The following BUB1 variants were observed in gnomAD, a reference collection of about 807,000 sequenced individuals.
The protein encoded by BUB1 is mitotic checkpoint serine/threonine-protein kinase BUB1.
A neutral mutation model predicts 135.2 loss-of-function variants in BUB1; 84 were observed. That is an observed-to-expected ratio of 0.62 (90% confidence interval 0.52 to 0.74). BUB1 has a LOEUF of 0.74. Ranked by LOEUF, BUB1 falls within the 30% of genes least tolerant of loss-of-function variation. The probability of loss-of-function intolerance (pLI) is 0.00; values close to 1 mark genes in which losing one functional copy is unlikely to be tolerated. For synonymous variants in BUB1, 403 were observed against 434.4 expected (o/e 0.93, Z 0.90); for missense variants, 1,162 against 1,288.3 (o/e 0.90, Z 1.50).
chr2:110,652,103 CTTA>C (rs1689804286), intron 17 of BUB1, among the ~76,000 whole-genome samples: 1 of 151,718 alleles, frequency 6.6e-6, no homozygotes, highest in African/African-American at 2.4e-5. Context: ...ACAGTTGATC[CTTA>C]TTATTAATGG....
At chr2:110,640,522 A>G (rs1689474493) in intron 23 of BUB1, among the ~76,000 whole-genome samples, 1 of 152,252 alleles carries the variant, frequency 6.6e-6, no homozygotes, top group South Asian at 2.1e-4. Context: ...GTCTTCCATT[A>G]GAATAATAAT....
intron 9 of BUB1, chr2:110,662,110 G>A: frequency 2.6e-6 from 1 of 391,524 alleles, no homozygotes; most frequent in South Asian, 4.6e-5. Context: ...AGTCTCTATA[G>A]TTGTATCAGC....
At chr2:110,674,047 A>G in intron 3 of BUB1, 39 bp downstream of exon 3, 1 of 1,426,548 alleles carries the variant, frequency 7.0e-7, no homozygotes, top group South Asian at 1.3e-5. Context: ...AAAGTACAAC[A>G]TGATTATAGA....
At chr2:110,643,376 A>C (rs1159020503) in intron 19 of BUB1, among the ~76,000 whole-genome samples, 1 of 152,252 alleles carries the variant, frequency 6.6e-6, no homozygotes, top group Non-Finnish European at 1.5e-5. Flanking sequence ...AAACAAAAAA[A>C]TAAGGACACA....
At position 110,674,128 on chromosome 2, in the gene BUB1, T is replaced by G; in HGVS notation, c.183A>C (p.Lys61Asn). Residue 61 changes from lysine to asparagine, a missense_variant, in exon 3 of 25, where the codon AAA becomes AAC. Coordinates refer to ENST00000302759, the MANE Select transcript of BUB1 (RefSeq NM_004336.5). ...TGATGAATCTTGGGTCATTGTGGTATTTCTTCTTATCTAAAAATTCCTTCA... is the reference window on the plus strand; with the variant it reads ...TGATGAATCTTGGGTCATTGTGGTAGTTCTTCTTATCTAAAAATTCCTTCA... Reference protein sequence around the residue: ...HLMKEFLDKKKYHNDPRFISY... With the variant: ...HLMKEFLDKKNYHNDPRFISY... The G allele has an allele frequency of 6.4e-7, 1 of 1,563,144 alleles. No individual in the cohort carries two copies. The highest frequency in any genetic ancestry group is 8.8e-7 in the Non-Finnish European group (1 of 1,134,768).
chr2:110,667,860 G>C lies in BUB1; in HGVS notation c.568-11C>G, dbSNP rs776152853. The C allele has an allele frequency of 6.2e-7, 1 of 1,609,918 alleles. No homozygotes were observed. Among genetic ancestry groups the C allele is most frequent in the Non-Finnish European group, 8.5e-7 (1 of 1,178,954 alleles). On this transcript the variant is annotated splice_polypyrimidine_tract_variant and intron_variant, in intron 6 of 24. Coordinates refer to ENST00000302759, the MANE Select transcript of BUB1 (RefSeq NM_004336.5). The stretch of plus-strand genomic sequence containing the variant: ...AGAAAGCTCTGAACCCTAAAAAACA[G>C]AAAACAAACATGAGCATTCACTTAT...
chr2:110,672,729 G>A lies in BUB1; in HGVS notation c.354C>T (p.Ala118=), dbSNP rs758499081. Residue 118 remains alanine, a synonymous_variant, in exon 4 of 25, where the codon GCC becomes GCT. Coordinates refer to ENST00000302759, the MANE Select transcript of BUB1 (RefSeq NM_004336.5). ...HLEAQGELQH[A]SAVLQRGIQN... is the part of the protein sequence containing the mutation. ...GAATTCCTCTCTGAAGGACAGCACTGGCATGCTGCAGCTCTCCTTGGGCTT... is the reference window on the plus strand; with the variant it reads ...GAATTCCTCTCTGAAGGACAGCACTAGCATGCTGCAGCTCTCCTTGGGCTT... 6.2e-7 allele frequency: 1 copy of A among 1,613,894 alleles called. No individual in the cohort carries two copies. Among genetic ancestry groups the A allele is most frequent in the African/African-American group, 1.3e-5 (1 of 74,914 alleles).
Position 110,649,388 on chromosome 2 carries a change from T to TAA in BUB1, c.2204-12_2204-11insTT. 1 of 1,363,414 alleles carries TAA rather than the reference T, an allele frequency of 7.3e-7. No homozygotes were observed. Among genetic ancestry groups the TAA allele is most frequent in the Non-Finnish European group, 9.4e-7 (1 of 1,059,632 alleles). The allele number at this position is 1,363,414 out of a possible 1,614,324, so 84.5% of individuals were successfully genotyped here. On this transcript the variant is annotated splice_polypyrimidine_tract_variant and intron_variant, in intron 18 of 24. Coordinates refer to ENST00000302759, the MANE Select transcript of BUB1 (RefSeq NM_004336.5). ...TCCCAACAATGAAGTCTTAAAGGAA[T>TAA]GAGAAAAAAAAAAAAAAAGGGAACA...
intron 17 of BUB1, among the ~76,000 whole-genome samples, 166 bp from the exon 18 acceptor site, chr2:110,650,950 T>C (rs1268997112): frequency 3.9e-5 from 6 of 152,154 alleles, no homozygotes; most frequent in African/African-American, 9.7e-5. Context: ...TATGAAAATA[T>C]ACAGCTAGTA....
intron 6 of BUB1, among the ~76,000 whole-genome samples, chr2:110,668,687 G>A (rs1038915856): frequency 1.3e-5 from 2 of 152,182 alleles, no homozygotes; most frequent in Non-Finnish European, 2.9e-5. Context: ...AGGCAGAAGA[G>A]ATCTCCACAG....
Position 110,650,572 on chromosome 2 carries a change from C to T in BUB1, c.2177G>A (p.Ser726Asn), listed in dbSNP as rs1689757511. ...AGLQAEWMQM[S>N]SLGTVDAPNF... ...TGGAGCATCAACAGTCCCAAGTGAA[C>T]TCATCTGCATCCATTCTGCTTGGAG... is the stretch of plus-strand genomic sequence containing the variant. The change falls in exon 18 of 25, where the codon AGT becomes AAT. Residue 726 changes from serine to asparagine, a missense_variant. Ser to Asn is a conservative substitution (Grantham distance 46). Coordinates refer to ENST00000302759, the MANE Select transcript of BUB1 (RefSeq NM_004336.5). 3 of 1,613,686 alleles carry T rather than the reference C, an allele frequency of 1.9e-6. No homozygotes were observed. The highest frequency in any genetic ancestry group is 2.5e-6 in the Non-Finnish European group (3 of 1,179,938).
chr2:110,666,496 T>G (rs1375204816), intron 8 of BUB1, 82 bp from the exon 9 acceptor site: 1 of 1,142,472 alleles, frequency 8.8e-7, no homozygotes, highest in Admixed American at 4.2e-5. Flanking sequence ...AGGAAAGGGT[T>G]ATATTTTAGG....
intron 19 of BUB1, among the ~76,000 whole-genome samples, chr2:110,645,428 C>T (rs1382929510): frequency 2.0e-5 from 3 of 146,426 alleles, no homozygotes; most frequent in Non-Finnish European, 3.0e-5. Context: ...GGTGATAGAG[C>T]GAGACTCCTT....
Position 110,637,585 on chromosome 2 carries a change from A to AGTGTGTGTGTGT in BUB1, c.*367_*378dup, listed in dbSNP as rs5833370. 5,665 of 147,548 alleles carry AGTGTGTGTGTGT rather than the reference A, an allele frequency of 0.038. 119 individuals are homozygous for AGTGTGTGTGTGT. Among genetic ancestry groups the AGTGTGTGTGTGT allele is most frequent in the Non-Finnish European group, 0.051 (3,400 of 67,260 alleles). 9.1% of individuals were successfully genotyped at this position (147,548 alleles called of 1,614,324 possible). A position where few individuals can be genotyped will look rare whatever the true frequency, so the allele number is the denominator to read the frequency against. ...TGAAGTCCCTTGGAAATGTTAGGGA[A>AGTGTGTGTGTGT]GTGTGTGTGTGTGTGTGTGTGTGTG... On this transcript the variant is annotated 3_prime_UTR_variant, in exon 25 of 25. Transcript: ENST00000302759.
At chr2:110,647,435 TA>T (rs1408356136) in intron 19 of BUB1, among the ~76,000 whole-genome samples, 1 of 152,164 alleles carries the variant, frequency 6.6e-6, no homozygotes, top group Non-Finnish European at 1.5e-5. Flanking sequence ...GTTCAACACT[TA>T]ATTAATTAAT....
intron 19 of BUB1, among the ~76,000 whole-genome samples, chr2:110,645,443 A>G (rs1689618195): frequency 6.7e-6 from 1 of 148,736 alleles, no homozygotes; most frequent in Admixed American, 6.7e-5. Context: ...CTCCTTCTCA[A>G]AAAAAAAAAA....
At chr2:110,671,833 G>A (rs1305272976) in intron 4 of BUB1, among the ~76,000 whole-genome samples, 1 of 152,142 alleles carries the variant, frequency 6.6e-6, no homozygotes, top group African/African-American at 2.4e-5. Context: ...ATGCCAAAAG[G>A]TTTTCTTTCG....
intron 1 of BUB1, among the ~76,000 whole-genome samples, chr2:110,675,958 C>T (rs1236527943): frequency 1.3e-5 from 2 of 152,056 alleles, no homozygotes; most frequent in Non-Finnish European, 2.9e-5. Flanking sequence ...GCCTAAAAAG[C>T]AATATTTACT....
chr2:110,670,161 C>T (rs1027010790), intron 5 of BUB1, among the ~76,000 whole-genome samples: 3 of 108,580 alleles, frequency 2.8e-5, no homozygotes, highest in African/African-American at 3.6e-5. Context: ...TTTGTGGAGA[C>T]GGAGTCTCAC....
Sources: allele counts gnomAD v4.1 joint callset (sites outside exome capture counted in the v4.1 genomes callset), GRCh38; gene constraint gnomAD v4.1.1; transcripts MANE v1.5; gene names NCBI Gene and HGNC (gene_info 2026-07-23, HGNC 2026-07-21).